The following LRRC56 variants were observed in gnomAD, a reference collection of about 807,000 sequenced individuals.
LRRC56 encodes leucine rich repeat containing 56.
LRRC56 carries 41 observed loss-of-function variants against 47.8 expected under a neutral mutation model. The ratio of observed to expected loss-of-function variants is 0.86; its 90% CI spans 0.67 to 1.11. The LOEUF (loss-of-function observed/expected upper bound fraction) is 1.11. Ranked by LOEUF, LRRC56 falls within the 50% of genes most tolerant of loss-of-function variation. LRRC56 has a pLI of 0.00. For synonymous variants in LRRC56, 387 were observed against 311.2 expected, an observed-to-expected ratio of 1.24 and a Z score of -2.56; for missense variants, 759 against 704.2, an observed-to-expected ratio of 1.08 and a Z score of -0.88.
the LRRC56 span, among the ~76,000 whole-genome samples, chr11:515,760 C>G: frequency 9.2e-5 from 14 of 152,108 alleles, no homozygotes; most frequent in Admixed American, 8.5e-4. Flanking sequence ...ATCACTTGAA[C>G]CTGGGAGACA....
At chr11:538,131 C>G (rs1050631158) in intron 1 of LRRC56, among the ~76,000 whole-genome samples, 1 of 152,136 alleles carries the variant, frequency 6.6e-6, no homozygotes, top group African/African-American at 2.4e-5. Context: ...GGTGCAGTGT[C>G]TGAGGTGGGA....
chr11:532,471 TTCC>T, the LRRC56 span: 1 of 937,786 alleles, frequency 1.1e-6, no homozygotes, highest in Non-Finnish European at 1.6e-6. Flanking sequence ...TTCCTCCTCC[TTCC>T]GTCTGCACCT....
In LRRC56 at chr11:551,139, G is replaced by T. The variant is rs1852361753; in HGVS notation, c.633G>T (p.Arg211Ser). The change falls in exon 9 of 14, where the codon AGG becomes AGT. Residue 211 changes from arginine (R) to serine (S), a missense_variant. Physicochemically the swap from Arg to Ser is moderately radical, Grantham distance 110 (BLOSUM62 -1). Transcript: ENST00000270115. ...TCCCCCTCCCCCTGCAGGTGCCCAG[G>T]GGCTACAACTACAGGGCAGAGGTGA... Reference protein sequence around the residue: ...PAPGPTNKVPRGYNYRAEVRK... With the variant: ...PAPGPTNKVPSGYNYRAEVRK... The T allele has an allele frequency of 1.4e-6, 2 of 1,473,120 alleles. No homozygotes were observed. The highest frequency in any genetic ancestry group is 1.4e-5 in the African/African-American group (1 of 70,090). 91.3% of individuals were successfully genotyped at this position (1,473,120 alleles called of 1,614,324 possible).
chr11:552,565 C>G lies in LRRC56; in HGVS notation c.1182-4C>G, dbSNP rs772194191. 3.8e-6 allele frequency: 6 copies of G among 1,597,200 alleles called. No homozygotes were observed. The highest frequency in any genetic ancestry group is 5.1e-6 in the Non-Finnish European group (6 of 1,172,006). On this transcript the variant is annotated splice_region_variant and splice_polypyrimidine_tract_variant and intron_variant, in intron 12 of 13. Coordinates refer to ENST00000270115, the MANE Select transcript of LRRC56 (RefSeq NM_198075.4). ...TGGAGCTTCTCCTCCTCTCCCCACCCTAGCCCCCTCCCCTATAGGCACCCG... is the reference window on the plus strand; with the variant it reads ...TGGAGCTTCTCCTCCTCTCCCCACCGTAGCCCCCTCCCCTATAGGCACCCG...
In LRRC56 at chr11:540,709, C is replaced by T. The variant is rs142967139; in HGVS notation, c.25C>T (p.Arg9Cys). The T allele has an allele frequency of 4.3e-6, 7 of 1,612,702 alleles. No individual in the cohort carries two copies. In the East Asian group the frequency reaches 6.7e-5, roughly 15 times the overall value. Reference sequence around the variant, plus strand: ...AATGGATCTGGGCTGGGACAGATCCCGTGGGCCTCGGCGGAGCACCTCCAG... The same window carrying T: ...AATGGATCTGGGCTGGGACAGATCCTGTGGGCCTCGGCGGAGCACCTCCAG... MDLGWDRS[R>C]GPRRSTSSVR... Residue 9 changes from arginine to cysteine, a missense_variant, in exon 4 of 14, where the codon CGT (arginine) becomes TGT (cysteine). Coordinates refer to ENST00000270115, the MANE Select transcript of LRRC56 (RefSeq NM_198075.4).
At chr11:549,061 A>G (rs982319181) in intron 6 of LRRC56, among the ~76,000 whole-genome samples, 33 of 152,190 alleles carry the variant, frequency 2.2e-4, no homozygotes, top group African/African-American at 7.7e-4. Flanking sequence ...GAAAGGACGG[A>G]CCACCGGGAA....
In LRRC56 at chr11:541,442, C is replaced by T. The variant is rs1851786388; in HGVS notation, c.178-95C>T. The T allele has an allele frequency of 1.5e-6, 1 of 666,540 alleles. No homozygotes were observed. Among genetic ancestry groups the T allele is most frequent in the Non-Finnish European group, 2.4e-6 (1 of 413,648 alleles). The allele number at this position is 666,540 out of a possible 1,614,324, so 41.3% of individuals were successfully genotyped here. On this transcript the variant is annotated intron_variant, in intron 4 of 13. Transcript: ENST00000270115. The surrounding 1 kb of genome is among the most constrained non-coding windows in gnomAD (Gnocchi z 4.1). ...AGGCAGGGAAACGTCGGTGCCTGCT[C>T]CAGCGGGAGCCCCAGAGTCCTGTAG...
the LRRC56 span, chr11:528,374 C>T: frequency 1.3e-5 from 2 of 152,232 alleles, no homozygotes; most frequent in African/African-American, 2.4e-5. Flanking sequence ...TCCTCCACCC[C>T]CTCGGCAGCC....
At chr11:530,195 A>C in the LRRC56 span, among the ~76,000 whole-genome samples, 5 of 152,154 alleles carry the variant, frequency 3.3e-5, no homozygotes, top group Admixed American at 1.3e-4. Context: ...CTGCAACCCC[A>C]GCGGGGCCCT....
chr11:534,384 G>A, upstream of LRRC56: 1 of 1,387,030 alleles, frequency 7.2e-7, no homozygotes, highest in Non-Finnish European at 1.0e-6. Flanking sequence ...ACCTGCCAAG[G>A]AGGGCCCTGC....
intron 2 of LRRC56, among the ~76,000 whole-genome samples, 196 bp from the exon 3 acceptor site, chr11:539,384 C>CTTTTTTTTTT (rs35782858): frequency 3.2e-5 from 3 of 92,430 alleles, no homozygotes; most frequent in East Asian, 2.7e-4. Context: ...CGCACCCAGC[C>CTTTTTTTTTT]TTTTTTTTTT....
chr11:519,011 C>CG, the LRRC56 span, among the ~76,000 whole-genome samples: 1 of 152,178 alleles, frequency 6.6e-6, no homozygotes, highest in South Asian at 2.1e-4. Flanking sequence ...AGGCGCCGCA[C>CG]GGGGGAGGCT....
the LRRC56 span, among the ~76,000 whole-genome samples, chr11:512,705 C>T: frequency 6.6e-6 from 1 of 152,212 alleles, no homozygotes; most frequent in South Asian, 2.1e-4. Context: ...TGCATGTTCT[C>T]TTTTGTATCT....
intron 8 of LRRC56, among the ~76,000 whole-genome samples, chr11:550,619 CCAG>C (rs2134062020): frequency 6.6e-6 from 1 of 152,332 alleles, no homozygotes; most frequent in South Asian, 2.1e-4. Flanking sequence ...AGAGCCACCT[CCAG>C]CCCCACAGGC....
chr11:521,872 G>A, the LRRC56 span, among the ~76,000 whole-genome samples: 2,050 of 151,178 alleles, frequency 0.014, 22 homozygotes, highest in Non-Finnish European at 0.021. Flanking sequence ...CCGAGATCAC[G>A]CCACTGCACT....
rs746691614 is a variant in LRRC56, at chr11:554,103, G to A, written c.1456G>A (p.Gly486Arg). The A allele has an allele frequency of 1.2e-6, 2 of 1,606,880 alleles. No homozygotes were observed. The highest frequency in any genetic ancestry group is 2.7e-5 in the African/African-American group (2 of 74,864). Reference protein sequence around the residue: ...GRRLRVLGSWGPGLGDGVAAV... With the variant: ...GRRLRVLGSWRPGLGDGVAAV... Reference sequence around the variant, plus strand: ...TCGGCTCCGAGTCCTGGGCAGCTGGGGGCCTGGCCTGGGTGATGGGGTGGC... The same window carrying A: ...TCGGCTCCGAGTCCTGGGCAGCTGGAGGCCTGGCCTGGGTGATGGGGTGGC... The change falls in exon 14 of 14, where the codon GGG (glycine) becomes AGG (arginine). Residue 486 changes from glycine (G) to arginine (R), a missense_variant. By Grantham distance (125) the Gly-to-Arg change is moderately radical (BLOSUM62 -2). Coordinates refer to ENST00000270115, the MANE Select transcript of LRRC56 (RefSeq NM_198075.4).
chr11:536,925 T>A (rs938900460), upstream of LRRC56: 6 of 152,138 alleles, frequency 3.9e-5, no homozygotes, highest in African/African-American at 1.4e-4. Flanking sequence ...CAGTCAGAGC[T>A]CGGCTCGGGG....
At chr11:534,347 G>T (rs866154247), upstream of LRRC56, 1 of 1,583,660 alleles carries the variant, frequency 6.3e-7, no homozygotes. Context: ...CTGCGGCCCG[G>T]GGTCCTCCTA....
chr11:540,604 A>G (rs79948463), intron 3 of LRRC56, 70 bp from the exon 4 acceptor site: 2 of 1,376,402 alleles, frequency 1.5e-6, no homozygotes, highest in Non-Finnish European at 1.0e-6. Context: ...GGGCTGGGCC[A>G]GGGTCTCAGC....
Sources: allele counts gnomAD v4.1 joint callset (sites outside exome capture counted in the v4.1 genomes callset), GRCh38; gene constraint gnomAD v4.1.1; non-coding constraint Gnocchi (gnomAD v3.1); transcripts MANE v1.5; gene names NCBI Gene and HGNC (gene_info 2026-07-23, HGNC 2026-07-21).